KLHL36: variants seen among roughly 807,000 people sequenced by gnomAD.
KLHL36 encodes the protein kelch-like protein 36.
KLHL36 carries 35 observed loss-of-function variants against 53.3 expected under a neutral mutation model. That is an observed-to-expected ratio of 0.66 (90% confidence interval 0.50 to 0.87). The LOEUF (loss-of-function observed/expected upper bound fraction) is 0.87, where lower values mean the gene tolerates loss of function less well. Ranked by LOEUF, KLHL36 falls within the 40% of genes least tolerant of loss-of-function variation. The pLI is 0.00. For synonymous variants in KLHL36, 472 were observed against 398.9 expected (o/e 1.18, Z -2.18); for missense variants, 864 against 897.6 (o/e 0.96, Z 0.48).
rs1019624346 is a variant in KLHL36 at position 84,651,340 on chromosome 16, G to A, written c.63+410G>A. The stretch of plus-strand genomic sequence containing the variant: ...GGTGAGGGCAACACACCGTGTACCC[G>A]GACCCCAAGGGCCTGGAGTCGTCTT... On this transcript the variant is annotated intron_variant, in intron 2 of 4. Transcript: ENST00000564996. 1.9e-4 allele frequency among the ~76,000 whole-genome samples: 29 copies of A among 152,230 alleles called. 2 individuals carry two copies. The highest frequency in any genetic ancestry group is 7.2e-4 in the Admixed American group (11 of 15,280).
At chr16:84,653,840 CAAAAAAAAAA>C (rs67608719) in intron 2 of KLHL36, among the ~76,000 whole-genome samples, 31 of 111,802 alleles carry the variant, frequency 2.8e-4, no homozygotes, top group Admixed American at 1.1e-3. Flanking sequence ...GCTCTGTATC[CAAAAAAAAAA>C]AAAAAAAAAG....
rs529226845 is a variant in KLHL36, at chr16:84,666,085, A to T, written c.*3952A>T. ...AGGGGGTGGCATCCTGGCCTCTAGGATAAATGCCTGGAGTATAGGGCAGCG... is the reference window on the plus strand; with the variant it reads ...AGGGGGTGGCATCCTGGCCTCTAGGTTAAATGCCTGGAGTATAGGGCAGCG... On this transcript the variant is annotated 3_prime_UTR_variant, in exon 5 of 5. Transcript: ENST00000564996. 18 of 152,358 alleles carry T rather than the reference A, an allele frequency of 1.2e-4. No individual in the cohort carries two copies. Among genetic ancestry groups the T allele is most frequent in the African/African-American group, 4.3e-4 (18 of 41,554 alleles). 9.4% of individuals were successfully genotyped at this position (152,358 alleles called of 1,614,324 possible).
intron 3 of KLHL36, 143 bp from the exon 4 acceptor site, chr16:84,659,617 C>T (rs761621906): frequency 1.2e-6 from 1 of 827,850 alleles, no homozygotes; most frequent in Non-Finnish European, 1.9e-6. Context: ...CCTGAAGAAG[C>T]CCTCTTTATT....
chr16:84,651,826 G>A (rs1269955424), intron 2 of KLHL36, among the ~76,000 whole-genome samples: 2 of 152,122 alleles, frequency 1.3e-5, no homozygotes, highest in Non-Finnish European at 2.9e-5. Context: ...GATTTTGCTG[G>A]GGAGGCTATT....
At chr16:84,658,703 C>G (rs892199913) in intron 3 of KLHL36, 36 of 152,344 alleles carry the variant, frequency 2.4e-4, no homozygotes, top group African/African-American at 8.2e-4. Flanking sequence ...TGTCTCCTTT[C>G]TGCTGGGAGC....
chr16:84,662,924 A>T lies in KLHL36; in HGVS notation c.*791A>T, dbSNP rs1484232099. 6.6e-6 allele frequency: 1 copy of T among 151,342 alleles called. No individual in the cohort carries two copies. Among genetic ancestry groups the T allele is most frequent in the Non-Finnish European group, 1.5e-5 (1 of 67,930 alleles). The allele number at this position is 151,342 out of a possible 1,614,324, so 9.4% of individuals were successfully genotyped here. On this transcript the variant is annotated 3_prime_UTR_variant, in exon 5 of 5. Coordinates refer to ENST00000564996, the MANE Select transcript of KLHL36 (RefSeq NM_024731.4). ...AAAAAAGGTATGAAGCTCTTTATAC[A>T]TATTTTTTTGTAATTTGTGCATTTT...
At chr16:84,650,951 C>T (rs370065501) in intron 2 of KLHL36, 21 bp downstream of exon 2, 1 of 1,584,030 alleles carries the variant, frequency 6.3e-7, no homozygotes, top group Admixed American at 1.9e-5. Flanking sequence ...GTTCACTCAC[C>T]ACCTATGCAA....
Position 84,657,772 on chromosome 16 carries a change from G to A in KLHL36, c.965G>A (p.Ser322Asn). The A allele has an allele frequency of 6.2e-7, 1 of 1,611,072 alleles. No individual in the cohort carries two copies. The highest frequency in any genetic ancestry group is 8.5e-7 in the Non-Finnish European group (1 of 1,178,798). The change falls in exon 3 of 5, where the codon AGC (serine) becomes AAC (asparagine). Residue 322 changes from serine to asparagine, a missense_variant. Ser to Asn is a conservative substitution (Grantham distance 46, BLOSUM62 1). Transcript: ENST00000564996. ...GACACCTGCTACCTGGACGCCAAGA[G>A]CGAGCAGTGGGTCAAAGAGACGCCG... ...SDDTCYLDAK[S>N]EQWVKETPLP...
At chr16:84,658,869 C>T (rs1907379020) in intron 3 of KLHL36, 2 of 152,202 alleles carry the variant, frequency 1.3e-5, no homozygotes, top group African/African-American at 2.4e-5. Flanking sequence ...TGAGACTGCC[C>T]TCCAAGGTCG....
chr16:84,657,275 C>T lies in KLHL36; in HGVS notation c.468C>T (p.Ser156=), dbSNP rs762043153. The change falls in exon 3 of 5, where the codon TCC becomes TCT. Residue 156 remains serine, a synonymous_variant. Transcript: ENST00000564996. ...ACCTGTACCTGCAGGAGCTGGCCTC[C>T]ATCTACAGCCTCAAGCGGCTTGATG... ...DNYLYLQELA[S]IYSLKRLDAF... 2 of 1,614,012 alleles carry T rather than the reference C, an allele frequency of 1.2e-6. No homozygotes were observed. Among genetic ancestry groups the T allele is most frequent in the Non-Finnish European group, 8.5e-7 (1 of 1,180,018 alleles).
At chr16:84,658,021 C>A in intron 3 of KLHL36, 77 bp downstream of exon 3, 1 of 1,100,300 alleles carries the variant, frequency 9.1e-7, no homozygotes, top group Non-Finnish European at 1.3e-6. Flanking sequence ...ACTTTCCTTA[C>A]CTCTCTGGGG....
chr16:84,649,502 G>A (rs927675001), intron 1 of KLHL36, among the ~76,000 whole-genome samples: 4 of 152,160 alleles, frequency 2.6e-5, no homozygotes, highest in African/African-American at 9.6e-5. Context: ...CTCTCAGCGT[G>A]AAGGTGGAAT....
chr16:84,657,567 T>C lies in KLHL36; in HGVS notation c.760T>C (p.Cys254Arg). The change falls in exon 3 of 5, where the codon TGC becomes CGC. Residue 254 changes from cysteine (C) to arginine (R), a missense_variant. Cys to Arg is a radical substitution (Grantham distance 180). Transcript: ENST00000564996. ...GCTGCACCGCGTCAAGCCGGCCGTG[T>C]GCTCGCTGCTGCCCAAGGAGGCCAA... ...DLLHRVKPAV[C>R]SLLPKEANCE... 1.9e-6 allele frequency: 3 copies of C among 1,610,836 alleles called. No homozygotes were observed. Among genetic ancestry groups the C allele is most frequent in the Non-Finnish European group, 2.5e-6 (3 of 1,179,870 alleles).
chr16:84,660,673 G>A (rs1452120304), intron 4 of KLHL36, among the ~76,000 whole-genome samples: 1 of 152,176 alleles, frequency 6.6e-6, no homozygotes, highest in East Asian at 1.9e-4. Context: ...CCAGGCTGGA[G>A]TGCAGTGGCG....
intron 3 of KLHL36, 121 bp from the exon 4 acceptor site, chr16:84,659,639 C>G (rs1164007741): frequency 1.8e-5 from 19 of 1,046,296 alleles, no homozygotes; most frequent in East Asian, 2.4e-5. Flanking sequence ...AGGTGCAGTT[C>G]CCTTTCCCAA....
In KLHL36 at chr16:84,661,441, G is replaced by A; in HGVS notation, c.1296-137G>A. ...GCTAATGACGGCTACTGTCTATAGAGTGTTCATGGGGTGCCCACTCCCTAT... is the reference window on the plus strand; with the variant it reads ...GCTAATGACGGCTACTGTCTATAGAATGTTCATGGGGTGCCCACTCCCTAT... On this transcript the variant is annotated intron_variant, in intron 4 of 4. Coordinates refer to ENST00000564996, the MANE Select transcript of KLHL36 (RefSeq NM_024731.4). The surrounding 1 kb of genome is among the most constrained non-coding windows in gnomAD (Gnocchi z 7.9). 1 of 807,878 alleles carries A rather than the reference G, an allele frequency of 1.2e-6. No homozygotes were observed. The highest frequency in any genetic ancestry group is 2.6e-5 in the East Asian group (1 of 39,172). The allele number at this position is 807,878 out of a possible 1,614,324, so 50.0% of individuals were successfully genotyped here.
Position 84,657,496 on chromosome 16 carries a change from A to C in KLHL36, c.689A>C (p.Gln230Pro). Residue 230 changes from glutamine to proline, a missense_variant, in exon 3 of 5, where the codon CAG becomes CCG. Coordinates refer to ENST00000564996, the MANE Select transcript of KLHL36 (RefSeq NM_024731.4). ...CCCGAGCGCGAGGCCCACGCCCGCC[A>C]GGTGCTGGAGAACATCCACTTCCCG... ...QQPEREAHAR[Q>P]VLENIHFPLI... 10 of 1,608,738 alleles carry C rather than the reference A, an allele frequency of 6.2e-6. No homozygotes were observed. Among genetic ancestry groups the C allele is most frequent in the Non-Finnish European group, 8.5e-6 (10 of 1,179,876 alleles).
rs1907610299 is a variant in KLHL36 at position 84,662,355 on chromosome 16, A to G, written c.*222A>G. ...TAACCCTGGGCCCAGGCAGTGAGCA[A>G]CCCCTTGTATCTTCACAGGTCTTTG... On this transcript the variant is annotated 3_prime_UTR_variant, in exon 5 of 5. Transcript: ENST00000564996. 4.2e-6 allele frequency: 2 copies of G among 478,840 alleles called. No homozygotes were observed. Among genetic ancestry groups the G allele is most frequent in the Non-Finnish European group, 7.5e-6 (2 of 267,838 alleles). 29.7% of individuals were successfully genotyped at this position (478,840 alleles called of 1,614,324 possible). A position where few individuals can be genotyped will look rare whatever the true frequency, so the allele number is the denominator to read the frequency against.
Position 84,662,310 on chromosome 16 carries a change from A to G in KLHL36, c.*177A>G, listed in dbSNP as rs1907607719. 3.2e-6 allele frequency: 2 copies of G among 620,250 alleles called. No homozygotes were observed. Among genetic ancestry groups the G allele is most frequent in the Non-Finnish European group, 5.4e-6 (2 of 373,490 alleles). The allele number at this position is 620,250 out of a possible 1,614,324, so 38.4% of individuals were successfully genotyped here. ...CCAATTAAATACTATCTGTAACTTT[A>G]CATATCTTGCTTGAATAACTAACCC... On this transcript the variant is annotated 3_prime_UTR_variant, in exon 5 of 5. Coordinates refer to ENST00000564996, the MANE Select transcript of KLHL36 (RefSeq NM_024731.4).
Sources: allele counts gnomAD v4.1 joint callset (sites outside exome capture counted in the v4.1 genomes callset), GRCh38; gene constraint gnomAD v4.1.1; non-coding constraint Gnocchi (gnomAD v3.1); transcripts MANE v1.5; gene names NCBI Gene and HGNC (gene_info 2026-07-23, HGNC 2026-07-21).